The following METTL9 variants were observed in gnomAD, a reference collection of about 807,000 sequenced individuals.
The protein encoded by METTL9 is methyltransferase 9, His-X-His N1(pi)-histidine.
Under a neutral mutation model 36.0 loss-of-function variants are expected in METTL9, and 10 were observed. That is an observed-to-expected ratio of 0.28 (90% CI 0.17 to 0.47). The LOEUF (loss-of-function observed/expected upper bound fraction) is 0.47. Ranked by LOEUF, METTL9 falls within the 20% of genes least tolerant of loss-of-function variation. The probability of loss-of-function intolerance (pLI) is 0.99; values close to 1 mark genes in which losing one functional copy is unlikely to be tolerated. For synonymous variants in METTL9, 175 were observed against 149.7 expected, an observed-to-expected ratio of 1.17 and a Z score of -1.23; for missense variants, 246 against 383.5, an observed-to-expected ratio of 0.64 and a Z score of 3.00.
At chr16:21,617,736 A>T in intron 2 of METTL9, 129 bp from the exon 3 acceptor site, 1 of 858,000 alleles carries the variant, frequency 1.2e-6, no homozygotes, top group Admixed American at 2.4e-5. Flanking sequence ...CTAAAAAAAA[A>T]AAAAATCTTA....
intron 4 of METTL9, 141 bp downstream of exon 4, chr16:21,625,256 A>G: frequency 1.1e-6 from 1 of 900,944 alleles, no homozygotes; most frequent in Non-Finnish European, 1.7e-6. Flanking sequence ...AATCCATGTA[A>G]AACACCATCT....
intron 4 of METTL9, chr16:21,647,566 A>G (rs756384305): frequency 1.5e-5 from 22 of 1,512,630 alleles, no homozygotes; most frequent in Non-Finnish European, 1.9e-5. Context: ...TTTTTGAGGT[A>G]GGAAACCCAG....
intron 4 of METTL9, among the ~76,000 whole-genome samples, chr16:21,648,449 C>T (rs1043396197): frequency 2.6e-5 from 4 of 152,128 alleles, no homozygotes; most frequent in South Asian, 2.1e-4. Context: ...CTGCTGCAGC[C>T]GCCACTGCTA....
At chr16:21,637,882 C>T (rs1022865576) in intron 4 of METTL9, among the ~76,000 whole-genome samples, 5 of 152,236 alleles carry the variant, frequency 3.3e-5, no homozygotes, top group Non-Finnish European at 7.3e-5. Context: ...GCGCTGAGAG[C>T]GAGCGAGGGC....
chr16:21,647,471 A>T, intron 4 of METTL9: 1 of 1,613,298 alleles, frequency 6.2e-7, no homozygotes, highest in South Asian at 1.1e-5. Flanking sequence ...TGTGACAGAG[A>T]GAGTACAGGC....
chr16:21,630,474 C>T (rs900320975), intron 4 of METTL9, among the ~76,000 whole-genome samples: 5 of 152,216 alleles, frequency 3.3e-5, no homozygotes, highest in Admixed American at 6.5e-5. Context: ...GCGCCGAGAG[C>T]GAGCGAGGGC....
chr16:21,626,511 A>G (rs1454617883), intron 4 of METTL9, among the ~76,000 whole-genome samples: 1 of 152,126 alleles, frequency 6.6e-6, no homozygotes, highest in Non-Finnish European at 1.5e-5. Context: ...GATAATGGGG[A>G]AAATGGGGAA....
chr16:21,645,480 C>T (rs935774615), intron 4 of METTL9, among the ~76,000 whole-genome samples: 1 of 152,042 alleles, frequency 6.6e-6, no homozygotes, highest in African/African-American at 2.4e-5. Context: ...AGAAAAATCC[C>T]ATAGATGCTT....
intron 4 of METTL9, chr16:21,647,237 A>G (rs766807948): frequency 1.9e-6 from 3 of 1,613,944 alleles, no homozygotes; most frequent in Non-Finnish European, 2.5e-6. Flanking sequence ...ATTTGAAGTC[A>G]CTCTGTTTAC....
At chr16:21,627,061 A>G in intron 4 of METTL9, 2 of 985,458 alleles carry the variant, frequency 2.0e-6, no homozygotes, top group Non-Finnish European at 2.4e-6. Flanking sequence ...GACACACTGC[A>G]GACCTGAGAC....
At chr16:21,629,741 T>A (rs893572990) in intron 4 of METTL9, among the ~76,000 whole-genome samples, 3 of 152,070 alleles carry the variant, frequency 2.0e-5, no homozygotes, top group African/African-American at 7.2e-5. Context: ...ACCCAGCAGG[T>A]TGGTGCTGCT....
intron 3 of METTL9, among the ~76,000 whole-genome samples, chr16:21,619,525 A>G (rs562585747): frequency 2.0e-5 from 3 of 151,202 alleles, no homozygotes; most frequent in Non-Finnish European, 4.4e-5. Context: ...GATTCAGGCA[A>G]TTCTACTGCC....
chr16:21,607,980 C>G (rs1965333282), intron 1 of METTL9, among the ~76,000 whole-genome samples: 1 of 152,154 alleles, frequency 6.6e-6, no homozygotes, highest in Admixed American at 6.5e-5. Context: ...GAAACCCCAT[C>G]TCTACTAAAA....
chr16:21,647,437 G>A (rs777993032), intron 4 of METTL9: 1 of 1,614,076 alleles, frequency 6.2e-7, no homozygotes, highest in African/African-American at 1.3e-5. Context: ...CATGAGTGTA[G>A]TCCACTTCTA....
In METTL9 at chr16:21,657,330, A is replaced by G. The variant is rs763164135; in HGVS notation, c.*1898A>G. On this transcript the variant is annotated 3_prime_UTR_variant, in exon 5 of 5. Transcript: ENST00000358154. ...GAAACCAAATCCACTCACATTTCCT[A>G]TCGGGTCTTGAAATTCTTGGTGGTG... The G allele has an allele frequency of 9.2e-5, 14 of 152,038 alleles. No homozygotes were observed. The highest frequency in any genetic ancestry group is 2.6e-4 in the Admixed American group (4 of 15,258). 9.4% of individuals were successfully genotyped at this position (152,038 alleles called of 1,614,324 possible).
intron 2 of METTL9, among the ~76,000 whole-genome samples, chr16:21,617,200 C>T (rs1489144365): frequency 6.6e-6 from 1 of 150,602 alleles, no homozygotes; most frequent in African/African-American, 2.4e-5. Context: ...GGGTGGATCA[C>T]GAGGGCAGGA....
At chr16:21,625,354 G>T in intron 4 of METTL9, 1 of 478,114 alleles carries the variant, frequency 2.1e-6, no homozygotes, top group Non-Finnish European at 3.8e-6. Context: ...GGGTCTGACT[G>T]CTTGAGATTG....
intron 4 of METTL9, chr16:21,640,720 T>C (rs1169526808): frequency 8.0e-5 from 12 of 149,348 alleles, no homozygotes; most frequent in Non-Finnish European, 1.2e-4. Flanking sequence ...TGAGCCGAGA[T>C]TGCACCACTG....
chr16:21,652,431 A>G (rs750605979), intron 4 of METTL9: 79 of 881,954 alleles, frequency 9.0e-5, no homozygotes, highest in Non-Finnish European at 1.4e-4. Context: ...AATGTTATAC[A>G]TTTAAAAATT....
Sources: gnomAD v4.1 joint callset for allele counts (sites outside exome capture counted in the v4.1 genomes callset) on GRCh38, gnomAD v4.1.1 for gene constraint, MANE v1.5 for transcripts, NCBI Gene and HGNC (gene_info 2026-07-23, HGNC 2026-07-21) for gene names.